MYLK3: variants seen among roughly 807,000 people sequenced by gnomAD.
The protein encoded by MYLK3 is myosin light chain kinase 3.
Under a neutral mutation model 76.3 loss-of-function variants are expected in MYLK3, and 55 were observed. That is an observed-to-expected ratio of 0.72 (90% CI 0.58 to 0.90). The LOEUF (loss-of-function observed/expected upper bound fraction) is 0.90. MYLK3 is among the 40% of genes least tolerant of loss of function. MYLK3 has a pLI of 0.00. For synonymous variants in MYLK3, 416 were observed against 425.4 expected, an observed-to-expected ratio of 0.98 and a Z score of 0.27; for missense variants, 973 against 1,053.6, an observed-to-expected ratio of 0.92 and a Z score of 1.06.
Position 46,727,413 on chromosome 16 carries a change from A to G in MYLK3, c.1773-36T>C, listed in dbSNP as rs921726412. On this transcript the variant is annotated intron_variant, in intron 7 of 12. Transcript: ENST00000394809. ...AAAGGGAGAGGCAGGCACCAGCCTA[A>G]GCAAGGCTCTTCAGGGCTTGTCCAC... is the stretch of plus-strand genomic sequence containing the variant. 1.9e-6 allele frequency: 3 copies of G among 1,584,092 alleles called. No individual in the cohort carries two copies. The African/African-American group carries it at 4.0e-5, about 21-fold the overall frequency.
Position 46,713,157 on chromosome 16 carries a change from C to T in MYLK3, c.1986-381G>A, listed in dbSNP as rs144204831. On this transcript the variant is annotated intron_variant, in intron 9 of 12. Transcript: ENST00000394809. The stretch of plus-strand genomic sequence containing the variant: ...GTTCTGGAGATTGGTTGCACAACAA[C>T]GAGAATGTACTAATTGTATATATTT... Among the ~76,000 whole-genome samples, 353 of 150,264 alleles carry T rather than the reference C, an allele frequency of 2.3e-3. 2 individuals carry two copies. The highest frequency in any genetic ancestry group is 8.0e-3 in the African/African-American group (325 of 40,840).
In MYLK3 at chr16:46,702,985, G is replaced by A. The variant is rs1461762808; in HGVS notation, c.*4719C>T. Among the ~76,000 whole-genome samples, 2 of 147,316 alleles carry A rather than the reference G, an allele frequency of 1.4e-5. No homozygotes were observed. The highest frequency in any genetic ancestry group is 1.4e-4 in the Admixed American group (2 of 14,806). On this transcript the variant is annotated 3_prime_UTR_variant, in exon 13 of 13. Coordinates refer to ENST00000394809, the MANE Select transcript of MYLK3 (RefSeq NM_182493.3). ...AAAAAAAAAAAAAAAGATTCAAAAGGTTCAGAAAGATAAATGAAAAGTGGA... is the reference window on the plus strand; with the variant it reads ...AAAAAAAAAAAAAAAGATTCAAAAGATTCAGAAAGATAAATGAAAAGTGGA...
chr16:46,727,460 G>C (rs962602117), intron 7 of MYLK3, 83 bp from the exon 8 acceptor site: 1 of 1,460,598 alleles, frequency 6.8e-7, no homozygotes, highest in Admixed American at 2.2e-5. Flanking sequence ...GGCCAAAAGA[G>C]GCCAGCCCGG....
chr16:46,720,991 C>T lies in MYLK3; in HGVS notation c.1985+132G>A, dbSNP rs898632409. On this transcript the variant is annotated intron_variant, in intron 9 of 12. Coordinates refer to ENST00000394809, the MANE Select transcript of MYLK3 (RefSeq NM_182493.3). ...CTGTCTGCAAGTCAAAGGCCACCAG[C>T]TTCTGCACACAAGAGCTTTCTTGCA... 17 of 810,006 alleles carry T rather than the reference C, an allele frequency of 2.1e-5. No homozygotes were observed. In the African/African-American group the frequency reaches 2.7e-4, roughly 13 times the overall value. 50.2% of individuals were successfully genotyped at this position (810,006 alleles called of 1,614,324 possible). A position where few individuals can be genotyped will look rare whatever the true frequency, so the allele number is the denominator to read the frequency against.
Position 46,702,544 on chromosome 16 carries a change from A to G in MYLK3, c.*5160T>C, listed in dbSNP as rs1359375491. On this transcript the variant is annotated 3_prime_UTR_variant, in exon 13 of 13. Coordinates refer to ENST00000394809, the MANE Select transcript of MYLK3 (RefSeq NM_182493.3). Reference sequence around the variant, plus strand: ...TGAAATTCATAATCTAAATGTCTCAAAAATATCTTTTTATTGCTTGCTCAA... The same window carrying G: ...TGAAATTCATAATCTAAATGTCTCAGAAATATCTTTTTATTGCTTGCTCAA... Among the ~76,000 whole-genome samples, 1 of 152,224 alleles carries G rather than the reference A, an allele frequency of 6.6e-6. No homozygotes were observed. The highest frequency in any genetic ancestry group is 2.4e-5 in the African/African-American group (1 of 41,452).
chr16:46,715,741 G>A (rs1013122041), intron 9 of MYLK3, among the ~76,000 whole-genome samples: 1 of 152,168 alleles, frequency 6.6e-6, no homozygotes, highest in Non-Finnish European at 1.5e-5. Flanking sequence ...TGGAGATCCT[G>A]ATATCAGAGA....
At chr16:46,752,018 C>T (rs143925992), upstream of MYLK3, among the ~76,000 whole-genome samples, 352 of 152,226 alleles carry the variant, frequency 2.3e-3, 1 homozygote, top group Middle Eastern at 6.8e-3. Flanking sequence ...GAAGAGGTAG[C>T]TGAACTGGAT....
At chr16:46,748,452 G>A (rs1967069436), upstream of MYLK3, 3 of 519,068 alleles carry the variant, frequency 5.8e-6, no homozygotes, top group Admixed American at 3.8e-5. The surrounding 1 kb of genome is among the most constrained non-coding windows in gnomAD (Gnocchi z 4.3). Context: ...CTTCTCCTTG[G>A]GGCCCCTTTG....
At chr16:46,743,799 T>A (rs1160506970) in intron 1 of MYLK3, among the ~76,000 whole-genome samples, 1 of 152,152 alleles carries the variant, frequency 6.6e-6, no homozygotes, top group African/African-American at 2.4e-5. Flanking sequence ...GGAAAAGATA[T>A]GAGCAGGCAG....
At chr16:46,721,017 T>A (rs1966793784) in intron 9 of MYLK3, 106 bp downstream of exon 9, 2 of 980,142 alleles carry the variant, frequency 2.0e-6, no homozygotes, top group Non-Finnish European at 1.6e-6. Context: ...CTTTCTTGCA[T>A]CAGTTCCAAA....
chr16:46,713,010 G>A (rs553966774), intron 9 of MYLK3, among the ~76,000 whole-genome samples: 1 of 152,090 alleles, frequency 6.6e-6, no homozygotes, highest in East Asian at 1.9e-4. Context: ...TCCTCCTCCA[G>A]GCATTTGCTT....
At chr16:46,744,403 C>T (rs1292924772) in intron 1 of MYLK3, among the ~76,000 whole-genome samples, 1 of 123,874 alleles carries the variant, frequency 8.1e-6, no homozygotes, top group East Asian at 2.7e-4. Context: ...TATGGTGGTG[C>T]AATCTTGGCT....
In MYLK3 at chr16:46,704,947, G is replaced by GT. The variant is rs2143011887; in HGVS notation, c.*2756dup. On this transcript the variant is annotated 3_prime_UTR_variant, in exon 13 of 13. Transcript: ENST00000394809. ...GACATTTTACCAAATCACTATCACTGTCTCATCAAAGGACAACTTTCAGCA... is the reference window on the plus strand; with the variant it reads ...GACATTTTACCAAATCACTATCACTGTTCTCATCAAAGGACAACTTTCAGCA... 6.6e-6 allele frequency: 1 copy of GT among 152,332 alleles called. No individual in the cohort carries two copies. Among genetic ancestry groups the GT allele is most frequent in the South Asian group, 2.1e-4 (1 of 4,832 alleles). The allele number at this position is 152,332 out of a possible 1,614,324, so 9.4% of individuals were successfully genotyped here.
chr16:46,721,149 C>T lies in MYLK3; in HGVS notation c.1959G>A (p.Lys653=). 6.2e-7 allele frequency: 1 copy of T among 1,614,162 alleles called. No individual in the cohort carries two copies. Among genetic ancestry groups the T allele is most frequent in the South Asian group, 1.1e-5 (1 of 91,078 alleles). The change falls in exon 9 of 13, where the codon AAG becomes AAA. Residue 653 remains lysine (K), a synonymous_variant. Coordinates refer to ENST00000394809, the MANE Select transcript of MYLK3 (RefSeq NM_182493.3). ...TTCTGGCCAGCCCAAAGTCAATGATCTTAATTTGATGTCCTGTCTGATTGA... is the reference window on the plus strand; with the variant it reads ...TTCTGGCCAGCCCAAAGTCAATGATTTTAATTTGATGTCCTGTCTGATTGA... ...LCVNQTGHQI[K]IIDFGLARRY... is the part of the protein sequence containing the mutation.
At chr16:46,756,921 A>G (rs1043301598) in intron 1 of MYLK3, among the ~76,000 whole-genome samples, 3 of 152,168 alleles carry the variant, frequency 2.0e-5, no homozygotes, top group Non-Finnish European at 4.4e-5. Flanking sequence ...CTGACCGCAG[A>G]CGGTCAGCCC....
chr16:46,755,058 G>A (rs753976386), intron 1 of MYLK3, among the ~76,000 whole-genome samples: 3 of 152,040 alleles, frequency 2.0e-5, no homozygotes, highest in South Asian at 2.1e-4. Flanking sequence ...ACTACGCTTG[G>A]CTAATTTTTG....
intron 8 of MYLK3, among the ~76,000 whole-genome samples, chr16:46,722,314 G>A (rs1966807538): frequency 6.6e-6 from 1 of 152,172 alleles, no homozygotes; most frequent in African/African-American, 2.4e-5. Context: ...AAGACTCAAT[G>A]TCTCCATACG....
intron 10 of MYLK3, chr16:46,711,688 C>A (rs1298835141): frequency 1.2e-5 from 5 of 416,304 alleles, no homozygotes; most frequent in Non-Finnish European, 2.4e-5. Context: ...AAAGCACCTG[C>A]ATGTCTTTGC....
intron 1 of MYLK3, among the ~76,000 whole-genome samples, chr16:46,761,058 A>G (rs752740522): frequency 5.3e-5 from 8 of 152,202 alleles, no homozygotes; most frequent in Admixed American, 6.5e-5. Context: ...TCAGCATGTA[A>G]GAGGGAGGCA....
Sources: allele counts gnomAD v4.1 joint callset (sites outside exome capture counted in the v4.1 genomes callset), GRCh38; gene constraint gnomAD v4.1.1; non-coding constraint Gnocchi (gnomAD v3.1); transcripts MANE v1.5; gene names NCBI Gene and HGNC (gene_info 2026-07-23, HGNC 2026-07-21).